CDH13: variants seen among roughly 807,000 people sequenced by gnomAD.
The protein encoded by CDH13 is cadherin 13.
In CDH13, 24 loss-of-function variants were observed where a neutral mutation model predicts 63.8. The ratio of observed to expected loss-of-function variants is 0.38; its 90% CI spans 0.27 to 0.53. The LOEUF (loss-of-function observed/expected upper bound fraction) is 0.53, where lower values mean the gene tolerates loss of function less well. Ranked by LOEUF, CDH13 falls within the 20% of genes least tolerant of loss-of-function variation. CDH13 has a pLI of 0.85. For synonymous variants in CDH13, 503 were observed against 355.3 expected (o/e 1.42, Z -4.67); for missense variants, 1,049 against 903.1 (o/e 1.16, Z -2.07).
intron 10 of CDH13, among the ~76,000 whole-genome samples, chr16:83,714,985 T>C (rs1908667054): frequency 6.6e-6 from 1 of 152,184 alleles, no homozygotes; most frequent in South Asian, 2.1e-4. Flanking sequence ...GCTCAGGTAC[T>C]TGTTATTTGC....
intron 5 of CDH13, among the ~76,000 whole-genome samples, chr16:83,291,778 G>T (rs1022972725): frequency 1.3e-5 from 2 of 152,092 alleles, no homozygotes; most frequent in Non-Finnish European, 2.9e-5. Context: ...TGGGACTTTT[G>T]CCTGAATTAT....
At chr16:82,956,711 C>A (rs868304180) in intron 2 of CDH13, among the ~76,000 whole-genome samples, 2 of 152,236 alleles carry the variant, frequency 1.3e-5, no homozygotes, top group Non-Finnish European at 2.9e-5. Context: ...CAAACCAAAT[C>A]TCTTACTATC....
At chr16:82,910,967 C>T (rs2041811233) in intron 2 of CDH13, among the ~76,000 whole-genome samples, 1 of 152,106 alleles carries the variant, frequency 6.6e-6, no homozygotes, top group Admixed American at 6.5e-5. Context: ...GCAATGCCCT[C>T]CGCCAGAACC....
intron 5 of CDH13, among the ~76,000 whole-genome samples, chr16:83,324,522 C>G (rs1051678143): frequency 6.6e-6 from 1 of 152,206 alleles, no homozygotes; most frequent in East Asian, 1.9e-4. Flanking sequence ...CCATGAGTAG[C>G]TTCGTTCACT....
intron 11 of CDH13, among the ~76,000 whole-genome samples, chr16:83,753,335 G>A (rs916111114): frequency 6.6e-6 from 1 of 152,142 alleles, no homozygotes; most frequent in Non-Finnish European, 1.5e-5. Flanking sequence ...CCTGAACCTA[G>A]GAGTTCAAAA....
chr16:82,670,981 G>C (rs190713846), intron 1 of CDH13, among the ~76,000 whole-genome samples: 66 of 152,236 alleles, frequency 4.3e-4, no homozygotes, highest in African/African-American at 1.4e-3. Flanking sequence ...ACACAATGAT[G>C]ATTATCATGT....
At chr16:82,842,908 A>G (rs1052732344) in intron 1 of CDH13, among the ~76,000 whole-genome samples, 2 of 152,190 alleles carry the variant, frequency 1.3e-5, no homozygotes, top group East Asian at 1.9e-4. Flanking sequence ...CAAAGCACCT[A>G]TAAGACTCTA....
chr16:83,238,399 G>A (rs749900104), intron 5 of CDH13, among the ~76,000 whole-genome samples: 7 of 152,078 alleles, frequency 4.6e-5, no homozygotes, highest in African/African-American at 1.7e-4. Context: ...TCACTATCAC[G>A]AGAACAGCAT....
At chr16:83,741,296 G>A (rs1288677781) in intron 10 of CDH13, among the ~76,000 whole-genome samples, 1 of 152,030 alleles carries the variant, frequency 6.6e-6, no homozygotes, top group Admixed American at 6.6e-5. Flanking sequence ...AATAAATACG[G>A]GGTCCAGTGG....
At chr16:83,782,650 C>A (rs1006148823) in intron 12 of CDH13, among the ~76,000 whole-genome samples, 2 of 150,370 alleles carry the variant, frequency 1.3e-5, no homozygotes, top group African/African-American at 4.9e-5. Context: ...GCAGGAGAAT[C>A]ATTTGAACCC....
chr16:83,780,946 A>G (rs753311851), intron 12 of CDH13, among the ~76,000 whole-genome samples: 1 of 152,218 alleles, frequency 6.6e-6, no homozygotes, highest in African/African-American at 2.4e-5. Context: ...TAAAGGAAAG[A>G]GAAGTGCTAG....
At position 83,229,341 on chromosome 16, in the gene CDH13, C is replaced by G. The variant is rs372411669; in HGVS notation, c.636+11844C>G. Among the ~76,000 whole-genome samples, 8 of 152,268 alleles carry G rather than the reference C, an allele frequency of 5.3e-5. 1 individual carries two copies. In the East Asian group the frequency reaches 9.7e-4, roughly 18 times the overall value. ...TCCCTGGAGCTCTGCCTTCAAGTTT[C>G]CCTCTACACATAGCAAACCAGAAAA... On this transcript the variant is annotated intron_variant, in intron 5 of 13. Coordinates refer to ENST00000567109, the MANE Select transcript of CDH13 (RefSeq NM_001257.5).
chr16:83,695,871 C>T (rs972819781), intron 10 of CDH13, among the ~76,000 whole-genome samples: 1 of 151,706 alleles, frequency 6.6e-6, no homozygotes, highest in African/African-American at 2.4e-5. Flanking sequence ...AATTCAAATC[C>T]AGATATATTT....
At chr16:83,559,242 A>G (rs748434444) in intron 7 of CDH13, among the ~76,000 whole-genome samples, 9 of 152,178 alleles carry the variant, frequency 5.9e-5, no homozygotes, top group Non-Finnish European at 1.0e-4. Context: ...CAATGTGTTG[A>G]TCACTTCACA....
At chr16:83,015,709 ATATATATATATAT>A in intron 2 of CDH13, among the ~76,000 whole-genome samples, 1 of 123,450 alleles carries the variant, frequency 8.1e-6, no homozygotes, top group African/African-American at 2.9e-5. Flanking sequence ...ATATATATAT[ATATATATATATAT>A]AAAGAAAAAG....
chr16:83,332,399 T>C (rs1484436679), intron 5 of CDH13, among the ~76,000 whole-genome samples: 1 of 152,174 alleles, frequency 6.6e-6, no homozygotes, highest in East Asian at 1.9e-4. Flanking sequence ...CCCTAATTTT[T>C]TTAAGAACAT....
chr16:83,280,919 A>G (rs1334352349), intron 5 of CDH13, among the ~76,000 whole-genome samples: 1 of 152,248 alleles, frequency 6.6e-6, no homozygotes, highest in Non-Finnish European at 1.5e-5. Context: ...GGCTCAAAAT[A>G]TTCAGTAAAC....
intron 10 of CDH13, among the ~76,000 whole-genome samples, chr16:83,692,925 A>G (rs1905050040): frequency 6.6e-6 from 1 of 152,302 alleles, no homozygotes; most frequent in African/African-American, 2.4e-5. Context: ...CTACTAAAAA[A>G]TACAAAAATT....
chr16:83,620,091 T>G (rs1159491225), intron 8 of CDH13, among the ~76,000 whole-genome samples: 4 of 151,620 alleles, frequency 2.6e-5, no homozygotes, highest in Non-Finnish European at 4.4e-5. Context: ...TTGGCAGATG[T>G]TAAAAGAGAT....
Sources: allele counts gnomAD v4.1 joint callset (sites outside exome capture counted in the v4.1 genomes callset), GRCh38; gene constraint gnomAD v4.1.1; transcripts MANE v1.5; gene names NCBI Gene and HGNC (gene_info 2026-07-23, HGNC 2026-07-21).